Variants in PTK2 observed in about 807,000 individuals in gnomAD.
The protein encoded by PTK2 is focal adhesion kinase 1.
Under a neutral mutation model 150.1 loss-of-function variants are expected in PTK2, and 45 were observed. The observed-to-expected ratio is 0.30, with a 90% confidence interval of 0.24 to 0.38. PTK2 has a LOEUF of 0.38. PTK2 is among the 10% of genes least tolerant of loss of function. The pLI, the probability that PTK2 is intolerant of heterozygous loss-of-function variation, is 1.00. For synonymous variants in PTK2, 432 were observed against 449.2 expected (o/e 0.96, Z 0.48); for missense variants, 919 against 1,307.3 (o/e 0.70, Z 4.58).
At chr8:140,742,784 G>A (rs535255127) in intron 20 of PTK2, among the ~76,000 whole-genome samples, 12 of 152,222 alleles carry the variant, frequency 7.9e-5, no homozygotes, top group African/African-American at 1.4e-4. Context: ...TGGCTGGCAC[G>A]AATCTTCTAC....
intron 8 of PTK2, among the ~76,000 whole-genome samples, chr8:140,827,258 C>T (rs2100112326): frequency 6.6e-6 from 1 of 152,100 alleles, no homozygotes; most frequent in Non-Finnish European, 1.5e-5. Context: ...TCAACCAAAA[C>T]CCCCTTTCCT....
Position 140,864,368 on chromosome 8 carries a change from CT to C in PTK2, c.393del (p.Gly132AspfsTer3). ...TCTTCAGTAAACTGGTTTAGAAATC[CT>C]TTTGGCAAATAACGAATTCTCAATT... On this transcript the variant is annotated frameshift_variant, in exon 5 of 32. Coordinates refer to ENST00000522684, the Ensembl canonical transcript of PTK2. LOFTEE classifies it high-confidence loss of function. 6.3e-7 allele frequency: 1 copy of C among 1,597,604 alleles called. No individual in the cohort carries two copies. Among genetic ancestry groups the C allele is most frequent in the South Asian group, 1.1e-5 (1 of 88,332 alleles).
chr8:140,716,417 G>A (rs1420860175), intron 23 of PTK2, among the ~76,000 whole-genome samples: 1 of 152,204 alleles, frequency 6.6e-6, no homozygotes, highest in Non-Finnish European at 1.5e-5. Context: ...GGGAATGACA[G>A]AGAAACGACA....
intron 29 of PTK2, 37 bp downstream of exon 32, chr8:140,674,261 T>C: frequency 1.3e-6 from 2 of 1,551,798 alleles, no homozygotes; most frequent in South Asian, 1.1e-5. Flanking sequence ...CCACAAATCC[T>C]GCAAGCAGAA....
At chr8:140,992,524 A>T (rs1483919942) in intron 1 of PTK2, among the ~76,000 whole-genome samples, 1 of 152,154 alleles carries the variant, frequency 6.6e-6, no homozygotes, top group East Asian at 1.9e-4. Context: ...TGTTTGATTC[A>T]AGAGGCCAGA....
intron 21 of PTK2, 41 bp downstream of exon 24, chr8:140,738,977 A>C: frequency 7.4e-7 from 1 of 1,353,730 alleles, no homozygotes; most frequent in Non-Finnish European, 1.0e-6. Flanking sequence ...AACATATGAA[A>C]TATAATTTTT....
At chr8:140,675,674 A>C in intron 27 of PTK2, 175 bp from the exon 31 acceptor site, 2 of 580,546 alleles carry the variant, frequency 3.4e-6, no homozygotes, top group Non-Finnish European at 6.2e-6. Flanking sequence ...TCAGGCAAAT[A>C]AGCAAATGAT....
intron 22 of PTK2, among the ~76,000 whole-genome samples, chr8:140,723,450 T>C (rs896785536): frequency 6.6e-6 from 1 of 152,162 alleles, no homozygotes; most frequent in Non-Finnish European, 1.5e-5. Context: ...AAATATCTGT[T>C]TTTACAATGG....
intron 1 of PTK2, among the ~76,000 whole-genome samples, chr8:140,931,184 T>C (rs1476006631): frequency 1.3e-5 from 2 of 152,202 alleles, no homozygotes; most frequent in African/African-American, 4.8e-5. Context: ...CCTATTTTCT[T>C]TCCATCACAT....
intron 1 of PTK2, among the ~76,000 whole-genome samples, chr8:140,991,006 T>A (rs766051723): frequency 6.6e-6 from 1 of 152,172 alleles, no homozygotes; most frequent in Admixed American, 6.5e-5. Context: ...TAATACAGAA[T>A]CCTCATCTCT....
intron 21 of PTK2, among the ~76,000 whole-genome samples, chr8:140,735,972 G>T (rs2154400156): frequency 6.6e-6 from 1 of 152,288 alleles, no homozygotes; most frequent in South Asian, 2.1e-4. Flanking sequence ...TTTATTCATG[G>T]ACTGGTCACT....
chr8:140,820,398 G>A (rs541619521), intron 8 of PTK2, among the ~76,000 whole-genome samples: 1 of 152,054 alleles, frequency 6.6e-6, no homozygotes, highest in African/African-American at 2.4e-5. Context: ...ACCGCACCCG[G>A]CCTGAATTAT....
chr8:140,699,318 A>C (rs1034656017), intron 26 of PTK2, among the ~76,000 whole-genome samples: 3 of 152,116 alleles, frequency 2.0e-5, no homozygotes, highest in Non-Finnish European at 4.4e-5. Flanking sequence ...TGAAATAGCT[A>C]TTCTGGGTTC....
At chr8:140,931,177 A>G (rs2100171613) in intron 1 of PTK2, among the ~76,000 whole-genome samples, 2 of 151,810 alleles carry the variant, frequency 1.3e-5, no homozygotes, top group East Asian at 3.9e-4. Context: ...CCTTCACCCT[A>G]TTTTCTTTCC....
intron 1 of PTK2, among the ~76,000 whole-genome samples, chr8:140,971,433 G>C (rs2100187243): frequency 6.6e-6 from 1 of 152,120 alleles, no homozygotes; most frequent in Non-Finnish European, 1.5e-5. Context: ...ATCTTGACTT[G>C]GCCTACCACA....
At chr8:140,692,905 A>G (rs1487299165) in intron 26 of PTK2, among the ~76,000 whole-genome samples, 1 of 152,196 alleles carries the variant, frequency 6.6e-6, no homozygotes, top group African/African-American at 2.4e-5. Context: ...TTCATCTTTC[A>G]TTCAGACTGA....
At chr8:140,693,412 C>G (rs2100024354) in intron 26 of PTK2, among the ~76,000 whole-genome samples, 1 of 151,518 alleles carries the variant, frequency 6.6e-6, no homozygotes, top group Non-Finnish European at 1.5e-5. Context: ...ACAAAATTAG[C>G]CAGGCTTGGT....
chr8:140,697,947 A>C (rs73369925), intron 26 of PTK2, among the ~76,000 whole-genome samples: 5,642 of 138,954 alleles, frequency 0.041, 288 homozygotes, highest in African/African-American at 0.12. Flanking sequence ...TCCCTGCCTC[A>C]ACCTGCCGAG....
chr8:140,867,314 A>C (rs1301080384), intron 4 of PTK2, among the ~76,000 whole-genome samples: 35 of 152,198 alleles, frequency 2.3e-4, no homozygotes, highest in Non-Finnish European at 3.4e-4. Flanking sequence ...TAGCCAGGTT[A>C]ATATTCACCT....
Sources: allele counts gnomAD v4.1 joint callset (sites outside exome capture counted in the v4.1 genomes callset), GRCh38; gene constraint gnomAD v4.1.1; transcripts MANE v1.5; gene names NCBI Gene and HGNC (gene_info 2026-07-23, HGNC 2026-07-21).